The following OLA1 variants were observed in gnomAD, a reference collection of about 807,000 sequenced individuals.
The protein encoded by OLA1 is Obg like ATPase 1, also known as obg-like ATPase 1.
In OLA1, 14 loss-of-function variants were observed where a neutral mutation model predicts 48.4. The observed-to-expected ratio is 0.29, with a 90% CI of 0.19 to 0.45. The LOEUF (loss-of-function observed/expected upper bound fraction) is 0.45. OLA1 is among the 20% of genes least tolerant of loss of function. The pLI is 1.00. For missense variants in OLA1, 325 were observed against 467.1 expected, an observed-to-expected ratio of 0.70 and a Z score of 2.80; for synonymous variants, 127 against 150.4, an observed-to-expected ratio of 0.84 and a Z score of 1.14.
At chr2:174,246,496 C>T (rs1689130543) in intron 2 of OLA1, among the ~76,000 whole-genome samples, 1 of 152,156 alleles carries the variant, frequency 6.6e-6, no homozygotes, top group African/African-American at 2.4e-5. Flanking sequence ...TACTGCATGG[C>T]CTCTGGTAGA....
intron 7 of OLA1, among the ~76,000 whole-genome samples, chr2:174,108,349 G>A (rs977753831): frequency 7.9e-5 from 12 of 152,080 alleles, no homozygotes; most frequent in African/African-American, 2.9e-4. Context: ...AAAAACTCCT[G>A]TTCTTCCTTT....
In OLA1 at chr2:174,072,818, G is replaced by T. The variant is rs994099066; in HGVS notation, c.*2608C>A. 1 of 152,154 alleles carries T rather than the reference G, an allele frequency of 6.6e-6. No homozygotes were observed. Among genetic ancestry groups the T allele is most frequent in the Non-Finnish European group, 1.5e-5 (1 of 68,032 alleles). 9.4% of individuals were successfully genotyped at this position (152,154 alleles called of 1,614,324 possible). A position where few individuals can be genotyped will look rare whatever the true frequency, so the allele number is the denominator to read the frequency against. ...ACTGGCAAGTTATAAGTGAACAGAG[G>T]CTTCACTCATAACTAAGTTAGCGAC... On this transcript the variant is annotated 3_prime_UTR_variant, in exon 11 of 11. Coordinates refer to ENST00000284719, the MANE Select transcript of OLA1 (RefSeq NM_013341.5).
At chr2:174,094,052 G>T (rs1685187865) in intron 7 of OLA1, among the ~76,000 whole-genome samples, 1 of 152,212 alleles carries the variant, frequency 6.6e-6, no homozygotes, top group South Asian at 2.1e-4. Flanking sequence ...CGGGATAGAT[G>T]AGGAGAGGAT....
At chr2:174,208,308 A>G (rs1040918168) in intron 4 of OLA1, among the ~76,000 whole-genome samples, 10 of 152,138 alleles carry the variant, frequency 6.6e-5, no homozygotes, top group African/African-American at 2.4e-4. Flanking sequence ...TAAATTAGAA[A>G]AGGTCAAGGG....
intron 7 of OLA1, among the ~76,000 whole-genome samples, chr2:174,107,187 C>T (rs895498626): frequency 3.3e-5 from 5 of 152,128 alleles, no homozygotes; most frequent in Admixed American, 2.6e-4. Flanking sequence ...AAGGATTTCA[C>T]TTTTCTGCAT....
chr2:174,090,521 A>C (rs1272496994), intron 7 of OLA1, among the ~76,000 whole-genome samples: 1 of 152,312 alleles, frequency 6.6e-6, no homozygotes. Flanking sequence ...AAAGGAGCCA[A>C]TGGAGTTTGT....
At chr2:174,141,750 T>C in intron 5 of OLA1, 75 bp downstream of exon 5, 3 of 1,071,150 alleles carry the variant, frequency 2.8e-6, no homozygotes. Flanking sequence ...AGATGTATCA[T>C]ATGCATTATT....
chr2:174,088,497 T>C (rs1685032705), intron 7 of OLA1, among the ~76,000 whole-genome samples: 1 of 152,208 alleles, frequency 6.6e-6, no homozygotes, highest in South Asian at 2.1e-4. Flanking sequence ...ATAAATAATA[T>C]TCTTTCAAAG....
chr2:174,108,714 A>ATTC (rs1685569056), intron 7 of OLA1, among the ~76,000 whole-genome samples: 1 of 152,194 alleles, frequency 6.6e-6, no homozygotes, highest in African/African-American at 2.4e-5. Flanking sequence ...TGCAATATTT[A>ATTC]TTCTTCTTCA....
chr2:174,134,224 T>C (rs1686249899), intron 5 of OLA1, among the ~76,000 whole-genome samples: 1 of 152,228 alleles, frequency 6.6e-6, no homozygotes, highest in African/African-American at 2.4e-5. Flanking sequence ...ATATGGTAAG[T>C]CTATAATTAA....
chr2:174,114,596 T>G (rs1685738245), intron 7 of OLA1, among the ~76,000 whole-genome samples: 1 of 152,062 alleles, frequency 6.6e-6, no homozygotes, highest in Admixed American at 6.5e-5. Flanking sequence ...TCAAAATGGA[T>G]TAAATCCAAC....
chr2:174,180,533 T>C (rs1306618156), intron 4 of OLA1, among the ~76,000 whole-genome samples: 2 of 152,202 alleles, frequency 1.3e-5, no homozygotes, highest in Non-Finnish European at 2.9e-5. Context: ...CTCTAGCAAA[T>C]GTGTTATTCC....
At chr2:174,124,166 T>G (rs1358741443) in intron 5 of OLA1, 1 of 152,338 alleles carries the variant, frequency 6.6e-6, no homozygotes, top group East Asian at 1.9e-4. Flanking sequence ...TTTAGATTAA[T>G]TTTTTGCCAA....
intron 4 of OLA1, among the ~76,000 whole-genome samples, chr2:174,164,389 T>TCTGCATATTGC (rs1687114537): frequency 4.9e-5 from 2 of 40,532 alleles, no homozygotes; most frequent in African/African-American, 1.1e-4. Context: ...CATTCTGTTT[T>TCTGCATATTGC]ATGTTTGGTG....
At position 174,075,189 on chromosome 2, in the gene OLA1, T is replaced by G; in HGVS notation, c.*237A>C. ...TATGGTTCCTGAAAAGCTTCTACAATTTGGAGTAGGGTCTTAATCACGTGA... is the reference window on the plus strand; with the variant it reads ...TATGGTTCCTGAAAAGCTTCTACAAGTTGGAGTAGGGTCTTAATCACGTGA... On this transcript the variant is annotated 3_prime_UTR_variant, in exon 11 of 11. Transcript: ENST00000284719. The G allele has an allele frequency of 7.5e-6, 3 of 397,948 alleles. No individual in the cohort carries two copies. Among genetic ancestry groups the G allele is most frequent in the Non-Finnish European group, 4.6e-6 (1 of 219,356 alleles). The allele number at this position is 397,948 out of a possible 1,614,324, so 24.7% of individuals were successfully genotyped here. A position where few individuals can be genotyped will look rare whatever the true frequency, so the allele number is the denominator to read the frequency against.
intron 3 of OLA1, 134 bp downstream of exon 3, chr2:174,229,174 C>G (rs1020713075): frequency 2.2e-6 from 2 of 918,068 alleles, no homozygotes; most frequent in African/African-American, 3.4e-5. Flanking sequence ...GCACCCAGCC[C>G]TCTGCATGAC....
At chr2:174,138,665 C>T (rs934894010) in intron 5 of OLA1, among the ~76,000 whole-genome samples, 2 of 152,188 alleles carry the variant, frequency 1.3e-5, no homozygotes, top group African/African-American at 4.8e-5. Flanking sequence ...CCCACAATAT[C>T]TGTGGAACCG....
chr2:174,216,890 G>A (rs1349346398), intron 4 of OLA1, among the ~76,000 whole-genome samples: 1 of 151,990 alleles, frequency 6.6e-6, no homozygotes, highest in East Asian at 1.9e-4. Context: ...TTACTTTATT[G>A]TAAGAATATA....
chr2:174,192,184 T>C (rs1687791024), intron 4 of OLA1, among the ~76,000 whole-genome samples: 1 of 152,224 alleles, frequency 6.6e-6, no homozygotes, highest in African/African-American at 2.4e-5. Context: ...TTCATTAATC[T>C]GAGTCCACCT....
Sources: gnomAD v4.1 joint callset for allele counts (sites outside exome capture counted in the v4.1 genomes callset) on GRCh38, gnomAD v4.1.1 for gene constraint, MANE v1.5 for transcripts, NCBI Gene and HGNC (gene_info 2026-07-23, HGNC 2026-07-21) for gene names.